GSK3B: variants seen among roughly 807,000 people sequenced by gnomAD.
GSK3B encodes the protein glycogen synthase kinase 3 beta, also known as glycogen synthase kinase-3 beta.
GSK3B carries 15 observed loss-of-function variants against 56.4 expected under a neutral mutation model. The ratio of observed to expected loss-of-function variants is 0.27; its 90% CI spans 0.18 to 0.41. GSK3B has a LOEUF of 0.41. Among genes scored for constraint, GSK3B ranks in the 10% least tolerant of loss-of-function variants. The probability of loss-of-function intolerance (pLI) is 1.00; values close to 1 mark genes in which losing one functional copy is unlikely to be tolerated. For synonymous variants in GSK3B, 181 were observed against 188.9 expected, an observed-to-expected ratio of 0.96 and a Z score of 0.34; for missense variants, 300 against 513.4, an observed-to-expected ratio of 0.58 and a Z score of 4.02.
At chr3:120,088,529 T>TGCC (rs1559908705) in intron 1 of GSK3B, among the ~76,000 whole-genome samples, 1 of 152,188 alleles carries the variant, frequency 6.6e-6, no homozygotes, top group Non-Finnish European at 1.5e-5. Context: ...CAAGATAAAA[T>TGCC]GCCAAGAGTG....
chr3:120,082,465 C>T (rs918766338), intron 1 of GSK3B, among the ~76,000 whole-genome samples: 2 of 132,710 alleles, frequency 1.5e-5, no homozygotes, highest in South Asian at 2.5e-4. Flanking sequence ...GGCACAATCT[C>T]GGCTCACTGC....
chr3:119,978,429 T>C (rs1309303168), intron 2 of GSK3B, among the ~76,000 whole-genome samples: 1 of 152,242 alleles, frequency 6.6e-6, no homozygotes, highest in Non-Finnish European at 1.5e-5. Context: ...CAGGAGTGCC[T>C]CTCAGGTTTT....
At chr3:119,865,462 A>ATTTTT (rs2056167966) in intron 8 of GSK3B, among the ~76,000 whole-genome samples, 1 of 27,124 alleles carries the variant, frequency 3.7e-5, no homozygotes, top group Non-Finnish European at 8.2e-5. Context: ...ATATATATAT[A>ATTTTT]TATATTTTTT....
chr3:119,891,925 A>C (rs2056507073), intron 7 of GSK3B, among the ~76,000 whole-genome samples: 1 of 152,170 alleles, frequency 6.6e-6, no homozygotes, highest in South Asian at 2.1e-4. Context: ...CTATTAAATC[A>C]ATCAATTTAT....
intron 1 of GSK3B, among the ~76,000 whole-genome samples, chr3:120,028,350 A>T (rs1323236534): frequency 2.0e-5 from 3 of 152,226 alleles, no homozygotes; most frequent in Non-Finnish European, 2.9e-5. Flanking sequence ...ACCTGCTGAG[A>T]CAGATTTACC....
chr3:120,026,103 AC>A (rs2057920714), intron 1 of GSK3B, among the ~76,000 whole-genome samples: 1 of 152,146 alleles, frequency 6.6e-6, no homozygotes, highest in African/African-American at 2.4e-5. Context: ...CATTCCTCCT[AC>A]CCCCAAATAT....
chr3:119,863,241 T>C (rs1302309107), intron 9 of GSK3B, among the ~76,000 whole-genome samples, 178 bp downstream of exon 9: 2 of 152,358 alleles, frequency 1.3e-5, no homozygotes, highest in East Asian at 3.9e-4. Flanking sequence ...CGTGCTACTC[T>C]TCTGTTCAAA....
intron 2 of GSK3B, among the ~76,000 whole-genome samples, chr3:119,983,063 AAAG>A (rs1194176740): frequency 6.6e-6 from 1 of 152,204 alleles, no homozygotes; most frequent in African/African-American, 2.4e-5. Context: ...CAAAATTCTT[AAAG>A]AAGAATTTTC....
intron 1 of GSK3B, among the ~76,000 whole-genome samples, chr3:120,061,199 TC>T (rs1001847644): frequency 2.0e-5 from 3 of 152,208 alleles, no homozygotes; most frequent in Non-Finnish European, 4.4e-5. Context: ...TTTATAGGCA[TC>T]CAGAAATAAA....
At chr3:120,022,076 T>C (rs1453443627) in intron 1 of GSK3B, among the ~76,000 whole-genome samples, 1 of 152,138 alleles carries the variant, frequency 6.6e-6, no homozygotes, top group East Asian at 1.9e-4. Flanking sequence ...CAGCATCTCA[T>C]GCAACAGAGA....
At chr3:119,901,992 G>C (rs1213243197) in intron 7 of GSK3B, among the ~76,000 whole-genome samples, 1 of 147,102 alleles carries the variant, frequency 6.8e-6, no homozygotes, top group Admixed American at 6.8e-5. Context: ...AAAATGAAAA[G>C]AAAGCAGAAA....
intron 7 of GSK3B, among the ~76,000 whole-genome samples, chr3:119,893,831 A>G (rs192782275): frequency 6.6e-6 from 1 of 152,080 alleles, no homozygotes; most frequent in Non-Finnish European, 1.5e-5. Flanking sequence ...AGTGGAAATG[A>G]CAAAGACATT....
chr3:119,984,236 T>G (rs62264743), intron 2 of GSK3B, among the ~76,000 whole-genome samples: 36,629 of 151,962 alleles, frequency 0.24, 4,863 homozygotes, highest in East Asian at 0.48. Context: ...TAGCACTAAA[T>G]GGCCACAAGA....
intron 1 of GSK3B, among the ~76,000 whole-genome samples, chr3:120,053,900 T>C (rs146992473): frequency 1.3e-5 from 2 of 152,338 alleles, no homozygotes; most frequent in Non-Finnish European, 2.9e-5. Flanking sequence ...CACGTGGAAC[T>C]GTGAGTCCAT....
chr3:119,866,550 C>T (rs1441037650), intron 8 of GSK3B: 2 of 1,354,950 alleles, frequency 1.5e-6, no homozygotes, highest in Non-Finnish European at 2.1e-6. Flanking sequence ...GTTTTATAGA[C>T]CTGCCCTGAA....
intron 8 of GSK3B, among the ~76,000 whole-genome samples, chr3:119,868,261 A>G (rs2056207874): frequency 6.6e-6 from 1 of 152,104 alleles, no homozygotes; most frequent in Non-Finnish European, 1.5e-5. Flanking sequence ...ATTGAAACAA[A>G]TATCAACTCC....
intron 1 of GSK3B, among the ~76,000 whole-genome samples, chr3:120,070,384 T>C (rs1292468634): frequency 3.3e-5 from 5 of 152,120 alleles, no homozygotes; most frequent in Non-Finnish European, 7.4e-5. Flanking sequence ...CCAGACACTG[T>C]ACTAAGCATC....
intron 3 of GSK3B, among the ~76,000 whole-genome samples, chr3:119,927,068 T>C (rs1273637865): frequency 1.3e-5 from 2 of 152,170 alleles, no homozygotes; most frequent in African/African-American, 4.8e-5. Flanking sequence ...TATCTCCATG[T>C]AGAATAGTGC....
chr3:120,089,809 T>G (rs1195351382), intron 1 of GSK3B, among the ~76,000 whole-genome samples: 1 of 152,152 alleles, frequency 6.6e-6, no homozygotes, highest in African/African-American at 2.4e-5. Flanking sequence ...AAAGAAAAAC[T>G]TTATAAACAT....
Sources: gnomAD v4.1 joint callset for allele counts (sites outside exome capture counted in the v4.1 genomes callset) on GRCh38, gnomAD v4.1.1 for gene constraint, MANE v1.5 for transcripts, NCBI Gene and HGNC (gene_info 2026-07-23, HGNC 2026-07-21) for gene names.